The following APOC1 variants were observed in gnomAD, a reference collection of about 807,000 sequenced individuals.
APOC1 encodes apolipoprotein C-I.
APOC1 carries 4 observed loss-of-function variants against 6.7 expected under a neutral mutation model. The observed-to-expected ratio is 0.60, with a 90% CI of 0.29 to 1.37. The LOEUF (loss-of-function observed/expected upper bound fraction) is 1.37, where lower values mean the gene tolerates loss of function less well. APOC1 is among the 40% of genes most tolerant of loss of function. The pLI is 0.09. For synonymous variants in APOC1, 33 were observed against 40.6 expected (o/e 0.81, Z 0.72); for missense variants, 122 against 99.4 (o/e 1.23, Z -0.97).
Position 44,919,287 on chromosome 19 carries a change from C to CTG in APOC1, c.*60_*61dup. 6.6e-7 allele frequency: 1 copy of CTG among 1,504,040 alleles called. No homozygotes were observed. The highest frequency in any genetic ancestry group is 9.3e-7 in the Non-Finnish European group (1 of 1,080,426). 93.2% of individuals were successfully genotyped at this position (1,504,040 alleles called of 1,614,324 possible). On this transcript the variant is annotated 3_prime_UTR_variant, in exon 4 of 4. Coordinates refer to ENST00000592535, the MANE Select transcript of APOC1 (RefSeq NM_001645.5). ...TCTGAAATTTCCCACACCCCAGCGC[C>CTG]TGTGCTGAGGACTCCCTCCATGTGG...
intron 3 of APOC1, among the ~76,000 whole-genome samples, chr19:44,916,809 CAAAAAAAAAAAAA>C (rs1160183813): frequency 4.3e-5 from 2 of 46,402 alleles, no homozygotes; most frequent in Non-Finnish European, 3.5e-5. Context: ...GACTCTGTCT[CAAAAAAAAAAAAA>C]AAAAAAAAAA....
At position 44,916,210 on chromosome 19, in the gene APOC1, AC is replaced by A. The variant is rs764183748; in HGVS notation, c.83del (p.Pro28GlnfsTer10). ...GGCAGGCCCAGCCCCAGCCCAGGGG[AC>A]CCCAGACGTCTCCAGTGCCTTGGAT... ...VLEGPAPAQG[T>X]PDVSSALDKL... On this transcript the variant is annotated frameshift_variant, in exon 3 of 4. Coordinates refer to ENST00000592535, the MANE Select transcript of APOC1 (RefSeq NM_001645.5). LOFTEE classifies it high-confidence loss of function. 7.1e-6 allele frequency: 11 copies of A among 1,550,666 alleles called. No homozygotes were observed. Among genetic ancestry groups the A allele is most frequent in the Middle Eastern group, 1.8e-4 (1 of 5,710 alleles).
intron 3 of APOC1, 151 bp downstream of exon 3, chr19:44,916,476 C>T: frequency 9.6e-7 from 1 of 1,043,206 alleles, no homozygotes; most frequent in Non-Finnish European, 1.4e-6. Flanking sequence ...TCAAGGTGCT[C>T]AGACTTCAAG....
chr19:44,917,640 G>T (rs1465677531), intron 3 of APOC1, among the ~76,000 whole-genome samples: 1 of 140,362 alleles, frequency 7.1e-6, no homozygotes, highest in Non-Finnish European at 1.6e-5. Flanking sequence ...AGGGAGGAAG[G>T]AAGGGAGGGA....
chr19:44,916,831 A>C (rs1970019054), intron 3 of APOC1, among the ~76,000 whole-genome samples: 1 of 148,722 alleles, frequency 6.7e-6, no homozygotes, highest in Admixed American at 6.8e-5. Flanking sequence ...AAAAAAAAAA[A>C]AAAACAAGAT....
chr19:44,917,457 A>G (rs1393765406), intron 3 of APOC1, among the ~76,000 whole-genome samples: 2 of 152,090 alleles, frequency 1.3e-5, no homozygotes, highest in Non-Finnish European at 2.9e-5. Flanking sequence ...CCATGCCTGT[A>G]GTCCCAGCTC....
At chr19:44,918,093 C>T (rs1204622086) in intron 3 of APOC1, among the ~76,000 whole-genome samples, 1 of 151,398 alleles carries the variant, frequency 6.6e-6, no homozygotes, top group Non-Finnish European at 1.5e-5. Context: ...CATAATGAAA[C>T]CCTCTCTGTA....
At chr19:44,917,533 G>T (rs1415745750) in intron 3 of APOC1, among the ~76,000 whole-genome samples, 1 of 151,848 alleles carries the variant, frequency 6.6e-6, no homozygotes, top group Non-Finnish European at 1.5e-5. Flanking sequence ...CGCCATGTTT[G>T]TGCCACTGCA....
chr19:44,916,206 G>A lies in APOC1; in HGVS notation c.75G>A (p.Gln25=), dbSNP rs1970004228. The change falls in exon 3 of 4, where the codon CAG becomes CAA. Residue 25 remains glutamine (Q), a synonymous_variant. Transcript: ENST00000592535. ...SIVLEGPAPA[Q]GTPDVSSALD... The stretch of plus-strand genomic sequence containing the variant: ...TCCTGGCAGGCCCAGCCCCAGCCCA[G>A]GGGACCCCAGACGTCTCCAGTGCCT... 3.2e-6 allele frequency: 5 copies of A among 1,554,570 alleles called. No individual in the cohort carries two copies. Among genetic ancestry groups the A allele is most frequent in the East Asian group, 2.4e-5 (1 of 42,264 alleles).
intron 1 of APOC1, 69 bp from the exon 2 acceptor site, chr19:44,914,803 G>A: frequency 7.5e-7 from 1 of 1,340,124 alleles, no homozygotes; most frequent in East Asian, 2.4e-5. Flanking sequence ...GAGATGAGGG[G>A]ATCGTGGGAG....
At chr19:44,916,630 C>T (rs1970014131) in intron 3 of APOC1, among the ~76,000 whole-genome samples, 2 of 151,540 alleles carry the variant, frequency 1.3e-5, no homozygotes, top group Non-Finnish European at 2.9e-5. Context: ...CCAGTCTGAC[C>T]AACATGGTGA....
At chr19:44,915,471 C>G (rs1969988097) in intron 2 of APOC1, among the ~76,000 whole-genome samples, 1 of 151,584 alleles carries the variant, frequency 6.6e-6, no homozygotes, top group African/African-American at 2.4e-5. Flanking sequence ...CCACCGCGCC[C>G]GGCTAATTTT....
chr19:44,918,939 G>A (rs778351112), intron 3 of APOC1: 13 of 555,642 alleles, frequency 2.3e-5, no homozygotes, highest in East Asian at 1.2e-4. Context: ...GATTACAGGC[G>A]TGAGCCAAAT....
intron 3 of APOC1, among the ~76,000 whole-genome samples, chr19:44,917,830 C>T (rs1038873303): frequency 6.6e-6 from 1 of 151,854 alleles, no homozygotes; most frequent in Non-Finnish European, 1.5e-5. Context: ...CAAAATTAGC[C>T]GGGCGTGGTG....
At chr19:44,914,572 G>A, upstream of APOC1, 2 of 384,512 alleles carry the variant, frequency 5.2e-6, no homozygotes, top group Non-Finnish European at 9.8e-6. Context: ...ACGGGACAGG[G>A]GCAGAGGAGA....
intron 2 of APOC1, 49 bp from the exon 3 acceptor site, chr19:44,916,141 A>AAAAAAAAAC: frequency 1.4e-6 from 2 of 1,407,474 alleles, no homozygotes; most frequent in Middle Eastern, 2.2e-4. Context: ...CATCTCCAAA[A>AAAAAAAAAC]AAAAAAAAAA....
At chr19:44,914,978 T>C (rs1225002199) in intron 2 of APOC1, 29 bp downstream of exon 2, 3 of 1,580,054 alleles carry the variant, frequency 1.9e-6, no homozygotes, top group Non-Finnish European at 1.7e-6. Flanking sequence ...AATTGCGGAG[T>C]TGGAGATTTG....
intron 3 of APOC1, among the ~76,000 whole-genome samples, chr19:44,916,708 T>C (rs1000036279): frequency 1.4e-5 from 2 of 147,022 alleles, no homozygotes; most frequent in East Asian, 4.0e-4. Flanking sequence ...TAATCCCAGC[T>C]AGTCGGGAGG....
intron 2 of APOC1, among the ~76,000 whole-genome samples, 176 bp from the exon 3 acceptor site, chr19:44,916,014 G>C (rs1969996756): frequency 6.6e-6 from 1 of 151,302 alleles, no homozygotes; most frequent in African/African-American, 2.4e-5. Context: ...GTGCACACCT[G>C]TAATCCCAGC....
Sources: allele counts gnomAD v4.1 joint callset (sites outside exome capture counted in the v4.1 genomes callset), GRCh38; gene constraint gnomAD v4.1.1; transcripts MANE v1.5; gene names NCBI Gene and HGNC (gene_info 2026-07-23, HGNC 2026-07-21).